The following GABRG1 variants were observed in gnomAD, a reference collection of about 807,000 sequenced individuals.
GABRG1 encodes gamma-aminobutyric acid receptor subunit gamma-1.
Under a neutral mutation model 49.8 loss-of-function variants are expected in GABRG1, and 49 were observed. The observed-to-expected ratio is 0.98, with a 90% confidence interval of 0.78 to 1.25. The LOEUF is 1.25. Among genes scored for constraint, GABRG1 ranks in the 50% most tolerant of loss-of-function variants. The pLI is 0.00. For missense variants in GABRG1, 552 were observed against 552.3 expected, an observed-to-expected ratio of 1.00 and a Z score of 0.01; for synonymous variants, 232 against 185.1, an observed-to-expected ratio of 1.25 and a Z score of -2.06.
At chr4:46,074,792 A>G (rs1344794292) in intron 3 of GABRG1, among the ~76,000 whole-genome samples, 2 of 152,122 alleles carry the variant, frequency 1.3e-5, no homozygotes, top group African/African-American at 2.4e-5. Flanking sequence ...AATTACGTAC[A>G]TAATTTTAAA....
At chr4:46,117,590 T>TTC (rs1385032204) in intron 1 of GABRG1, among the ~76,000 whole-genome samples, 6 of 130,310 alleles carry the variant, frequency 4.6e-5, no homozygotes, top group African/African-American at 9.4e-5. Flanking sequence ...CTGTCTCTCT[T>TTC]TGTCTCTCTC....
intron 2 of GABRG1, 139 bp from the exon 3 acceptor site, chr4:46,084,192 A>G (rs1315576926): frequency 3.4e-6 from 2 of 593,866 alleles, no homozygotes; most frequent in Admixed American, 6.8e-5. Context: ...TGAAATGCAG[A>G]AATGTAGCCT....
intron 1 of GABRG1, among the ~76,000 whole-genome samples, chr4:46,118,280 A>G (rs1239381486): frequency 6.7e-6 from 1 of 149,364 alleles, no homozygotes; most frequent in Non-Finnish European, 1.5e-5. Flanking sequence ...CTATCTATCT[A>G]CCTACCTATC....
intron 1 of GABRG1, among the ~76,000 whole-genome samples, chr4:46,122,245 T>C (rs1284297840): frequency 6.6e-6 from 1 of 152,076 alleles, no homozygotes; most frequent in Non-Finnish European, 1.5e-5. Context: ...TTATTTAAAA[T>C]AAAACATCTC....
rs764928181 is a variant in GABRG1 at position 46,037,787 on chromosome 4, G to T, written c.*3201C>A. Reference sequence around the variant, plus strand: ...AGCTCCTCTCTTGTAAAATCAAAGTGTTTTGTGTATTTTTCACAAATTTTG... The same window carrying T: ...AGCTCCTCTCTTGTAAAATCAAAGTTTTTTGTGTATTTTTCACAAATTTTG... On this transcript the variant is annotated 3_prime_UTR_variant, in exon 9 of 9. Coordinates refer to ENST00000295452, the MANE Select transcript of GABRG1 (RefSeq NM_173536.4). 2.6e-5 allele frequency: 4 copies of T among 151,574 alleles called. No homozygotes were observed. The highest frequency in any genetic ancestry group is 5.9e-5 in the Non-Finnish European group (4 of 67,720). 9.4% of individuals were successfully genotyped at this position (151,574 alleles called of 1,614,324 possible).
chr4:46,114,107 A>C (rs576161166), intron 1 of GABRG1, among the ~76,000 whole-genome samples: 18 of 151,046 alleles, frequency 1.2e-4, no homozygotes, highest in Non-Finnish European at 2.5e-4. Flanking sequence ...TTTGTAGAAA[A>C]GTTCCTTTCT....
At chr4:46,117,078 C>T (rs756062998) in intron 1 of GABRG1, among the ~76,000 whole-genome samples, 1 of 150,464 alleles carries the variant, frequency 6.6e-6, no homozygotes, top group Non-Finnish European at 1.5e-5. Flanking sequence ...TAAAGATTAA[C>T]CTAGTGGCTA....
In GABRG1 at chr4:46,084,263, C is replaced by A. The variant is rs981232724; in HGVS notation, c.254-210G>T. On this transcript the variant is annotated intron_variant, in intron 2 of 8. Transcript: ENST00000295452. ...CACAGATAATTATATAGAGATAAAG[C>A]ACATGAGATAATGCAGAAAAATGAC... Among the ~76,000 whole-genome samples, 17 of 151,720 alleles carry A rather than the reference C, an allele frequency of 1.1e-4. No homozygotes were observed. The highest frequency in any genetic ancestry group is 2.2e-4 in the Non-Finnish European group (15 of 67,738).
intron 8 of GABRG1, among the ~76,000 whole-genome samples, chr4:46,044,719 A>G (rs949384895): frequency 6.6e-6 from 1 of 152,082 alleles, no homozygotes; most frequent in African/African-American, 2.4e-5. Flanking sequence ...AGAATGGAAA[A>G]CATGGTGTTA....
At chr4:46,114,298 T>A (rs949212978) in intron 1 of GABRG1, among the ~76,000 whole-genome samples, 6 of 151,144 alleles carry the variant, frequency 4.0e-5, no homozygotes, top group African/African-American at 1.4e-4. Context: ...CACTCAATAC[T>A]ATGATTATTT....
In GABRG1 at chr4:46,064,459, G is replaced by T. The variant is rs747255437; in HGVS notation, c.607C>A (p.Pro203Thr). 1 of 1,537,488 alleles carries T rather than the reference G, an allele frequency of 6.5e-7. No individual in the cohort carries two copies. Among genetic ancestry groups the T allele is most frequent in the Non-Finnish European group, 8.8e-7 (1 of 1,141,448 alleles). Residue 203 changes from proline (P) to threonine (T), a missense_variant, in exon 5 of 9, where the codon CCA becomes ACA. By Grantham distance (38) the Pro-to-Thr change is conservative (BLOSUM62 -1). Coordinates refer to ENST00000295452, the MANE Select transcript of GABRG1 (RefSeq NM_173536.4). ...HNFPMDEHSC[P>T]LEFSSYGYPK... ...TACTTACAGCTTGAAAATTCCAGTG[G>T]ACAGGAATGTTCATCCATGGGAAAG...
chr4:46,041,566 C>A (rs561372942), intron 8 of GABRG1, among the ~76,000 whole-genome samples: 83 of 151,912 alleles, frequency 5.5e-4, no homozygotes, highest in Non-Finnish European at 9.1e-4. Context: ...ACTGTATATT[C>A]TATTTTATAT....
chr4:46,053,066 A>G (rs1718292105), intron 7 of GABRG1, among the ~76,000 whole-genome samples: 1 of 152,078 alleles, frequency 6.6e-6, no homozygotes, highest in African/African-American at 2.4e-5. Flanking sequence ...CGTTTAAAAA[A>G]AACAAACACA....
intron 3 of GABRG1, among the ~76,000 whole-genome samples, chr4:46,073,967 T>C (rs1719234359): frequency 6.6e-6 from 1 of 152,126 alleles, no homozygotes; most frequent in South Asian, 2.1e-4. Context: ...GGAGGGACTA[T>C]TGTATAAACA....
intron 1 of GABRG1, among the ~76,000 whole-genome samples, chr4:46,117,162 T>C (rs749074206): frequency 1.4e-4 from 21 of 150,540 alleles, no homozygotes; most frequent in Non-Finnish European, 2.2e-4. Flanking sequence ...TTAAAATATA[T>C]ATTAAACTCA....
intron 5 of GABRG1, among the ~76,000 whole-genome samples, chr4:46,060,669 A>G (rs1718638154): frequency 6.6e-6 from 1 of 152,188 alleles, no homozygotes; most frequent in Admixed American, 6.6e-5. Context: ...TAGTCATGCA[A>G]TGAAATAGTT....
At chr4:46,073,752 T>A (rs1382662727) in intron 3 of GABRG1, among the ~76,000 whole-genome samples, 1 of 152,082 alleles carries the variant, frequency 6.6e-6, no homozygotes, top group African/African-American at 2.4e-5. Flanking sequence ...CCTATGATAA[T>A]GTTCAACTGA....
chr4:46,120,966 C>T (rs1329753761), intron 1 of GABRG1, among the ~76,000 whole-genome samples: 1 of 151,676 alleles, frequency 6.6e-6, no homozygotes, highest in Non-Finnish European at 1.5e-5. Flanking sequence ...TTAAATCAAG[C>T]TGAAGAGATT....
chr4:46,102,233 A>G (rs951102025), intron 1 of GABRG1, among the ~76,000 whole-genome samples: 1 of 151,664 alleles, frequency 6.6e-6, no homozygotes, highest in Admixed American at 6.6e-5. Flanking sequence ...GTGAGAACAT[A>G]GCTGCCTGCC....
Sources: allele counts gnomAD v4.1 joint callset (sites outside exome capture counted in the v4.1 genomes callset), GRCh38; gene constraint gnomAD v4.1.1; transcripts MANE v1.5; gene names NCBI Gene and HGNC (gene_info 2026-07-23, HGNC 2026-07-21).